COPG1: variants seen among roughly 807,000 people sequenced by gnomAD.
The protein encoded by COPG1 is coat protein complex I subunit gamma 1.
In COPG1, 29 loss-of-function variants were observed where a neutral mutation model predicts 102.8. The observed-to-expected ratio is 0.28, with a 90% CI of 0.21 to 0.38. COPG1 has a LOEUF of 0.38. COPG1 is among the 10% of genes least tolerant of loss of function. The pLI, the probability that COPG1 is intolerant of heterozygous loss-of-function variation, is 1.00. For missense variants in COPG1, 875 were observed against 1,132.7 expected (o/e 0.77, Z 3.27); for synonymous variants, 406 against 421.6 (o/e 0.96, Z 0.45).
At chr3:129,257,418 G>A in intron 8 of COPG1, 52 bp from the exon 9 acceptor site, 1 of 1,600,056 alleles carries the variant, frequency 6.2e-7, no homozygotes, top group Non-Finnish European at 8.6e-7. Flanking sequence ...CACACAGCCA[G>A]TATACCCAAA....
chr3:129,259,280 G>A (rs1939874501), intron 10 of COPG1, among the ~76,000 whole-genome samples: 1 of 152,034 alleles, frequency 6.6e-6, no homozygotes, highest in South Asian at 2.1e-4. Flanking sequence ...GACCAACATG[G>A]TGAAACCCCA....
intron 8 of COPG1, 59 bp from the exon 9 acceptor site, chr3:129,257,411 A>G: frequency 6.3e-7 from 1 of 1,589,962 alleles, no homozygotes; most frequent in Non-Finnish European, 8.6e-7. Flanking sequence ...CCAGGGCCAC[A>G]CAGCCAGTAT....
Position 129,274,893 on chromosome 3 carries a change from A to C in COPG1, c.2312A>C (p.Asn771Thr), listed in dbSNP as rs776164953. The stretch of plus-strand genomic sequence containing the variant: ...CACATTCAAAAGGTCATGAAACTGA[A>C]CTTCGAAGCAGCCTGGGATGAGGTA... ...ADHIQKVMKL[N>T]FEAAWDEVGD... The change falls in exon 22 of 24, where the codon AAC (asparagine) becomes ACC (threonine). Residue 771 changes from asparagine (N) to threonine (T), a missense_variant. By Grantham distance (65) the Asn-to-Thr change is moderately conservative (BLOSUM62 0). Coordinates refer to ENST00000314797, the MANE Select transcript of COPG1 (RefSeq NM_016128.4). 1.9e-6 allele frequency: 3 copies of C among 1,614,180 alleles called. No homozygotes were observed. In the East Asian group the frequency reaches 6.7e-5, roughly 36 times the overall value.
At chr3:129,256,276 C>A in intron 8 of COPG1, 122 bp downstream of exon 8, 1 of 755,918 alleles carries the variant, frequency 1.3e-6, no homozygotes, top group Non-Finnish European at 2.2e-6. Context: ...GGCTTTAATC[C>A]TTTCGTCATT....
chr3:129,260,160 C>T (rs1939895508), intron 10 of COPG1, 173 bp from the exon 11 acceptor site: 2 of 641,680 alleles, frequency 3.1e-6, no homozygotes, highest in Admixed American at 2.7e-5. Context: ...ATTATGGCCT[C>T]TGTCCATGGC....
intron 18 of COPG1, among the ~76,000 whole-genome samples, chr3:129,269,453 A>G (rs1353618151): frequency 2.0e-5 from 3 of 152,122 alleles, no homozygotes; most frequent in Non-Finnish European, 2.9e-5. Context: ...CTGTGTGTCT[A>G]ATTGCAGATT....
In COPG1 at chr3:129,275,971, TACAC is replaced by T. The variant is rs59294610; in HGVS notation, c.2494+703_2494+706del. On this transcript the variant is annotated intron_variant, in intron 23 of 23. Transcript: ENST00000314797. The surrounding 1 kb of genome is among the most constrained non-coding windows in gnomAD (Gnocchi z 5.0). ...ACAGATGTTACAGTAAATAATCGTGTACACACACACACACACACACACACACAGT... is the reference window on the plus strand; with the variant it reads ...ACAGATGTTACAGTAAATAATCGTGTACACACACACACACACACACACAGT... Among the ~76,000 whole-genome samples the T allele has an allele frequency of 0.13, 20,052 of 149,320 alleles. 1,509 individuals are homozygous for T. Among genetic ancestry groups the T allele is most frequent in the Middle Eastern group, 0.22 (64 of 286 alleles).
chr3:129,272,739 C>A, intron 20 of COPG1, 68 bp from the exon 21 acceptor site: 3 of 963,874 alleles, frequency 3.1e-6, no homozygotes, highest in South Asian at 1.4e-5. Context: ...CCTGCTTGTC[C>A]CCTGCAGGAG....
chr3:129,251,692 CTT>C (rs374077801), intron 2 of COPG1, among the ~76,000 whole-genome samples: 1 of 136,248 alleles, frequency 7.3e-6, no homozygotes, highest in Non-Finnish European at 1.6e-5. Context: ...GGCCACTTCT[CTT>C]TTTTTTTTTG....
intron 2 of COPG1, among the ~76,000 whole-genome samples, chr3:129,251,326 G>A (rs138162977): frequency 0.013 from 1,889 of 150,530 alleles, 30 homozygotes; most frequent in African/African-American, 0.043. Context: ...CCATTATGCA[G>A]GTAGAGATTT....
At position 129,272,536 on chromosome 3, in the gene COPG1, CAAG is replaced by C. The variant is rs560038178; in HGVS notation, c.2158+130_2158+132del. ...AGCTTCAGCTCCTTGATTTCAGTCC[CAAG>C]AAGAAGAATAGCTGAGTCCCAAGTG... On this transcript the variant is annotated intron_variant, in intron 20 of 23. Coordinates refer to ENST00000314797, the MANE Select transcript of COPG1 (RefSeq NM_016128.4). 2.3e-3 allele frequency: 1,971 copies of C among 853,878 alleles called. 26 individuals are homozygous for C. In the African/African-American group the frequency reaches 0.03, roughly 13 times the overall value. The allele number at this position is 853,878 out of a possible 1,614,324, so 52.9% of individuals were successfully genotyped here.
At chr3:129,268,345 C>A in intron 16 of COPG1, 150 bp from the exon 17 acceptor site, 1 of 747,172 alleles carries the variant, frequency 1.3e-6, no homozygotes, top group Non-Finnish European at 2.1e-6. Context: ...GAGGATGTGT[C>A]TGAGAATGCA....
intron 5 of COPG1, 169 bp from the exon 6 acceptor site, chr3:129,254,499 G>A (rs745823493): frequency 1.6e-4 from 89 of 561,190 alleles, no homozygotes; most frequent in Non-Finnish European, 2.4e-4. Flanking sequence ...TGAGTCTTAT[G>A]AAACTCCCTC....
At chr3:129,249,783 C>T (rs1421024115) in intron 1 of COPG1, 37 bp downstream of exon 1, 4 of 1,528,998 alleles carry the variant, frequency 2.6e-6, no homozygotes, top group Admixed American at 2.0e-5. Context: ...GGAGGCCGGA[C>T]CCCCACCCGC....
rs748608226 is a variant in COPG1, at chr3:129,267,075, C to A, written c.1520C>A (p.Pro507His). 1.7e-5 allele frequency: 28 copies of A among 1,613,632 alleles called. No homozygotes were observed. Among genetic ancestry groups the A allele is most frequent in the Non-Finnish European group, 2.3e-5 (27 of 1,179,838 alleles). The change falls in exon 15 of 24, where the codon CCC becomes CAC. Residue 507 changes from proline to histidine, a missense_variant. Physicochemically the swap from Pro to His is moderately conservative, Grantham distance 77. Transcript: ENST00000314797. The stretch of plus-strand genomic sequence containing the variant: ...GGAGCCCAGAATGAAGAGATGTTAC[C>A]CAGTATCTTGGTGTTGCTGAAGAGG... ...KFGAQNEEMLPSILVLLKRCV... is the reference protein window; with the variant it reads ...KFGAQNEEMLHSILVLLKRCV...
Position 129,252,703 on chromosome 3 carries a change from C to G in COPG1, c.243+9C>G. 6.2e-7 allele frequency: 1 copy of G among 1,613,308 alleles called. No homozygotes were observed. The highest frequency in any genetic ancestry group is 8.5e-7 in the Non-Finnish European group (1 of 1,179,288). ...TCTTTCAGTCCAATGATGTAAGTGC[C>G]TCAACCCAGCTTTCCTTGAGAGGTG... On this transcript the variant is annotated intron_variant, in intron 4 of 23. Coordinates refer to ENST00000314797, the MANE Select transcript of COPG1 (RefSeq NM_016128.4).
intron 18 of COPG1, among the ~76,000 whole-genome samples, chr3:129,270,108 G>C (rs536583234): frequency 8.8e-5 from 13 of 148,178 alleles, no homozygotes; most frequent in Admixed American, 4.7e-4. Flanking sequence ...GATTACACTG[G>C]CCCCCCCTGG....
chr3:129,264,509 C>T (rs1368333029), intron 13 of COPG1, among the ~76,000 whole-genome samples: 1 of 152,202 alleles, frequency 6.6e-6, no homozygotes, highest in Non-Finnish European at 1.5e-5. Context: ...CCCCTTTCAC[C>T]CAGCCCCAGA....
chr3:129,257,321 C>T, intron 8 of COPG1, 149 bp from the exon 9 acceptor site: 1 of 768,918 alleles, frequency 1.3e-6, no homozygotes, highest in Non-Finnish European at 2.2e-6. Flanking sequence ...ACACAGAGTA[C>T]CTGGGGCAGT....
Sources: allele counts gnomAD v4.1 joint callset (sites outside exome capture counted in the v4.1 genomes callset), GRCh38; gene constraint gnomAD v4.1.1; non-coding constraint Gnocchi (gnomAD v3.1); transcripts MANE v1.5; gene names NCBI Gene and HGNC (gene_info 2026-07-23, HGNC 2026-07-21).